PTPRT: variants seen among roughly 807,000 people sequenced by gnomAD.
PTPRT encodes protein tyrosine phosphatase receptor type T, also known as receptor-type tyrosine-protein phosphatase T.
PTPRT carries 56 observed loss-of-function variants against 176.8 expected under a neutral mutation model. The observed-to-expected ratio is 0.32, with a 90% CI of 0.26 to 0.40. The LOEUF (loss-of-function observed/expected upper bound fraction) is 0.40. Ranked by LOEUF, PTPRT falls within the 10% of genes least tolerant of loss-of-function variation. The pLI is 1.00. For missense variants in PTPRT, 1,540 were observed against 1,908.2 expected, an observed-to-expected ratio of 0.81 and a Z score of 3.60; for synonymous variants, 783 against 739.0, an observed-to-expected ratio of 1.06 and a Z score of -0.96.
intron 1 of PTPRT, among the ~76,000 whole-genome samples, chr20:43,145,590 A>T (rs1250828203): frequency 1.3e-5 from 2 of 152,244 alleles, no homozygotes; most frequent in Admixed American, 6.5e-5. Context: ...AGAAAGAAGG[A>T]AAGCCCATTT....
At chr20:42,453,568 C>G (rs1392602311) in intron 8 of PTPRT, among the ~76,000 whole-genome samples, 1 of 151,902 alleles carries the variant, frequency 6.6e-6, no homozygotes, top group Non-Finnish European at 1.5e-5. Context: ...ACTGTTTATG[C>G]CCATCACTAT....
chr20:42,797,202 C>A (rs1415140011), intron 2 of PTPRT, among the ~76,000 whole-genome samples: 1 of 152,128 alleles, frequency 6.6e-6, no homozygotes, highest in African/African-American at 2.4e-5. Context: ...CCAGGGATGC[C>A]TCCTCCTTTT....
chr20:42,075,461 G>A lies in PTPRT; in HGVS notation c.*5418C>T, dbSNP rs1982680651. 4.5e-6 allele frequency: 1 copy of A among 224,656 alleles called. No homozygotes were observed. Among genetic ancestry groups the A allele is most frequent in the African/African-American group, 2.2e-5 (1 of 44,898 alleles). 13.9% of individuals were successfully genotyped at this position (224,656 alleles called of 1,614,324 possible). On this transcript the variant is annotated 3_prime_UTR_variant, in exon 31 of 31. Transcript: ENST00000373187. ...CTCTTGGGCTCACCCATGTCTTCCA[G>A]AGTGTTACTCCTGGTTGAGCTTGGT...
chr20:43,054,092 A>C (rs1306655650), intron 1 of PTPRT, among the ~76,000 whole-genome samples: 1 of 152,206 alleles, frequency 6.6e-6, no homozygotes, highest in Non-Finnish European at 1.5e-5. Flanking sequence ...CCTCAGCTCA[A>C]GTCCCAAACC....
At chr20:43,115,791 TGAATA>T (rs140357024) in intron 1 of PTPRT, among the ~76,000 whole-genome samples, 5,272 of 152,254 alleles carry the variant, frequency 0.035, 132 homozygotes, top group Non-Finnish European at 0.055. Context: ...TACAAGCAGT[TGAATA>T]GCCCTGGGCA....
intron 4 of PTPRT, among the ~76,000 whole-genome samples, chr20:42,775,144 G>A (rs2077117076): frequency 6.6e-6 from 1 of 152,180 alleles, no homozygotes; most frequent in Non-Finnish European, 1.5e-5. Flanking sequence ...CCCCAGATGG[G>A]ATGCCACTGA....
intron 18 of PTPRT, among the ~76,000 whole-genome samples, chr20:42,135,470 T>G (rs77378951): frequency 0.011 from 1,608 of 152,272 alleles, 28 homozygotes; most frequent in African/African-American, 0.035. Context: ...GTGGGGCCCA[T>G]CAATATGCAT....
chr20:42,082,416 T>G, intron 29 of PTPRT, among the ~76,000 whole-genome samples: 1 of 152,232 alleles, frequency 6.6e-6, no homozygotes, highest in East Asian at 1.9e-4. Context: ...TTGCTGATGC[T>G]TGCATCCATG....
intron 23 of PTPRT, among the ~76,000 whole-genome samples, chr20:42,109,915 T>C (rs1008550366): frequency 4.6e-5 from 7 of 152,214 alleles, no homozygotes; most frequent in Non-Finnish European, 5.9e-5. Context: ...TGACCAAGTA[T>C]CATCAGAAAG....
intron 1 of PTPRT, among the ~76,000 whole-genome samples, chr20:42,947,695 C>A (rs1568694525): frequency 6.6e-6 from 1 of 152,180 alleles, no homozygotes; most frequent in Non-Finnish European, 1.5e-5. Flanking sequence ...CCCCTGCACA[C>A]CAAACTTCTT....
At chr20:42,673,119 G>A (rs78501650) in intron 7 of PTPRT, among the ~76,000 whole-genome samples, 2,214 of 152,268 alleles carry the variant, frequency 0.015, 58 homozygotes, top group African/African-American at 0.051. Flanking sequence ...GGTCCCCAGG[G>A]CTGAAGACTC....
intron 1 of PTPRT, among the ~76,000 whole-genome samples, chr20:42,958,750 T>C (rs901625108): frequency 3.9e-5 from 6 of 152,044 alleles, no homozygotes; most frequent in East Asian, 1.9e-4. Context: ...TGGGGAACAA[T>C]AGACACAAAC....
intron 2 of PTPRT, among the ~76,000 whole-genome samples, chr20:42,876,992 A>G (rs2078943062): frequency 6.6e-6 from 1 of 152,190 alleles, no homozygotes. Flanking sequence ...TCTTAGCCTT[A>G]GGGATCAGCA....
intron 2 of PTPRT, among the ~76,000 whole-genome samples, chr20:42,811,624 G>T (rs978679333): frequency 2.6e-5 from 4 of 152,038 alleles, no homozygotes; most frequent in Non-Finnish European, 5.9e-5. Context: ...GTCAAATATG[G>T]TATTAGAACT....
chr20:42,056,629 T>C, the PTPRT span, among the ~76,000 whole-genome samples: 1 of 152,218 alleles, frequency 6.6e-6, no homozygotes, highest in African/African-American at 2.4e-5. Flanking sequence ...ATGGTGTATG[T>C]GTGTGTGCCT....
At chr20:42,467,420 A>T (rs2145908716) in intron 8 of PTPRT, among the ~76,000 whole-genome samples, 1 of 152,322 alleles carries the variant, frequency 6.6e-6, no homozygotes, top group African/African-American at 2.4e-5. Flanking sequence ...ACAATGAGAA[A>T]TATACATCGC....
intron 6 of PTPRT, among the ~76,000 whole-genome samples, chr20:42,718,406 G>A (rs987550865): frequency 2.0e-5 from 3 of 152,092 alleles, no homozygotes; most frequent in Non-Finnish European, 2.9e-5. Context: ...GCTTGGTGGC[G>A]GGCGCCAGTA....
At chr20:43,167,891 G>A (rs114867787) in intron 1 of PTPRT, among the ~76,000 whole-genome samples, 314 of 152,250 alleles carry the variant, frequency 2.1e-3, no homozygotes, top group African/African-American at 7.2e-3. Context: ...CACACCCCTG[G>A]CCAACACCTT....
intron 9 of PTPRT, among the ~76,000 whole-genome samples, chr20:42,416,407 T>C (rs928016402): frequency 3.3e-5 from 5 of 152,178 alleles, no homozygotes; most frequent in Non-Finnish European, 5.9e-5. Context: ...TTTGAAGCCA[T>C]AGGGTTTGTG....
Sources: allele counts gnomAD v4.1 joint callset (sites outside exome capture counted in the v4.1 genomes callset), GRCh38; gene constraint gnomAD v4.1.1; transcripts MANE v1.5; gene names NCBI Gene and HGNC (gene_info 2026-07-23, HGNC 2026-07-21).